The following ADGRB2 variants were observed in gnomAD, a reference collection of about 807,000 sequenced individuals.
The protein encoded by ADGRB2 is adhesion G protein-coupled receptor B2, also known as brain-specific angiogenesis inhibitor 2.
ADGRB2 carries 47 observed loss-of-function variants against 178.7 expected under a neutral mutation model. The observed-to-expected ratio is 0.26, with a 90% CI of 0.21 to 0.34. The LOEUF (loss-of-function observed/expected upper bound fraction) is 0.34, where lower values mean the gene tolerates loss of function less well. Among genes scored for constraint, ADGRB2 ranks in the 10% least tolerant of loss-of-function variants. The pLI, the probability that ADGRB2 is intolerant of heterozygous loss-of-function variation, is 1.00. For missense variants in ADGRB2, 1,584 were observed against 2,180.8 expected (o/e 0.73, Z 5.45); for synonymous variants, 870 against 912.4 (o/e 0.95, Z 0.84).
Position 31,735,938 on chromosome 1 carries a change from C to A in ADGRB2, c.3201-45G>T. 6.6e-7 allele frequency: 1 copy of A among 1,523,190 alleles called. No homozygotes were observed. Among genetic ancestry groups the A allele is most frequent in the Non-Finnish European group, 8.9e-7 (1 of 1,127,020 alleles). 94.4% of individuals were successfully genotyped at this position (1,523,190 alleles called of 1,614,324 possible). On this transcript the variant is annotated intron_variant, in intron 22 of 32. Transcript: ENST00000373658. This position sits in a 1 kb window ranked among gnomAD's most constrained non-coding sequence, Gnocchi z 6.0. ...GGGTGTCAGACACCCAGCAGCCTCC[C>A]TCCCCACCCTCAAACACCATCCCTC...
At chr1:31,763,560 C>T (rs1399709967) in intron 1 of ADGRB2, among the ~76,000 whole-genome samples, 2 of 146,700 alleles carry the variant, frequency 1.4e-5, no homozygotes, top group African/African-American at 5.1e-5. Flanking sequence ...TAGGGAAAGA[C>T]TCGAGACAGC....
Position 31,756,537 on chromosome 1 carries a change from C to T in ADGRB2, c.300G>A (p.Leu100=). ...CAHFAPRLLP[L]DHYLVNFTCL... Reference sequence around the variant, plus strand: ...AGGTAAAGTTGACCAGGTAGTGGTCCAGGGGCAGCAGGCGGGGGGCAAAGT... The same window carrying T: ...AGGTAAAGTTGACCAGGTAGTGGTCTAGGGGCAGCAGGCGGGGGGCAAAGT... The change falls in exon 4 of 33, where the codon CTG becomes CTA. Residue 100 remains leucine (L), a synonymous_variant. Transcript: ENST00000373658. The surrounding 1 kb of genome is among the most constrained non-coding windows in gnomAD (Gnocchi z 8.5). 6.2e-7 allele frequency: 1 copy of T among 1,613,264 alleles called. No homozygotes were observed. Among genetic ancestry groups the T allele is most frequent in the Non-Finnish European group, 8.5e-7 (1 of 1,179,648 alleles).
At position 31,735,188 on chromosome 1, in the gene ADGRB2, G is replaced by A. The variant is rs369743434; in HGVS notation, c.3447C>T (p.Asn1149=). 7.9e-5 allele frequency: 111 copies of A among 1,406,540 alleles called. No individual in the cohort carries two copies. In the African/African-American group the frequency reaches 9.7e-4, roughly 12 times the overall value. The allele number at this position is 1,406,540 out of a possible 1,614,324, so 87.1% of individuals were successfully genotyped here. ...CCCCAGGGGGCACGACTAACATGGCGTTCCTGGCCGAGGCTGAGCTGAGCA... is the reference window on the plus strand; with the variant it reads ...CCCCAGGGGGCACGACTAACATGGCATTCCTGGCCGAGGCTGAGCTGAGCA... ...SPLLSSASAR[N]AMASLWSSCV... The change falls in exon 25 of 33, where the codon AAC becomes AAT. Residue 1149 remains asparagine (N), a synonymous_variant. Transcript: ENST00000373658. The surrounding 1 kb of genome is among the most constrained non-coding windows in gnomAD (Gnocchi z 6.0).
chr1:31,750,778 G>A (rs577321811), intron 4 of ADGRB2, among the ~76,000 whole-genome samples: 1 of 152,166 alleles, frequency 6.6e-6, no homozygotes, highest in African/African-American at 2.4e-5. Flanking sequence ...AGGGCGCAGT[G>A]GGGGAAAGAG....
chr1:31,741,273 G>A lies in ADGRB2; in HGVS notation c.1794+100C>T. 1 of 1,271,656 alleles carries A rather than the reference G, an allele frequency of 7.9e-7. No individual in the cohort carries two copies. Among genetic ancestry groups the A allele is most frequent in the African/African-American group, 1.5e-5 (1 of 67,604 alleles). The allele number at this position is 1,271,656 out of a possible 1,614,324, so 78.8% of individuals were successfully genotyped here. On this transcript the variant is annotated intron_variant, in intron 11 of 32. Transcript: ENST00000373658. The surrounding 1 kb of genome is among the most constrained non-coding windows in gnomAD (Gnocchi z 6.5). ...CCAGGCAGAAGTGGGCACAGCATAT[G>A]CCAAGGCACGTGGGAACGAGCGAGA...
rs747018765 is a variant in ADGRB2, at chr1:31,731,144, C to A, written c.4036G>T (p.Gly1346Cys). The A allele has an allele frequency of 3.1e-6, 5 of 1,594,764 alleles. No homozygotes were observed. In the Admixed American group the frequency reaches 8.7e-5, roughly 28 times the overall value. Residue 1346 changes from glycine (G) to cysteine (C), a missense_variant, in exon 29 of 33, where the codon GGC (glycine) becomes TGC (cysteine). Coordinates refer to ENST00000373658, the MANE Select transcript of ADGRB2 (RefSeq NM_001364857.2). ...DLTWLRPTEP[G>C]SEGDYMVLPR... ...AGCACCATGTAGTCTCCCTCAGAGCCTGGCTCAGTGGGCCGCAGCCATGTG... is the reference window on the plus strand; with the variant it reads ...AGCACCATGTAGTCTCCCTCAGAGCATGGCTCAGTGGGCCGCAGCCATGTG...
rs1646159087 is a variant in ADGRB2 at position 31,744,344 on chromosome 1, A to G, written c.936T>C (p.Ala312=). Residue 312 remains alanine (A), a synonymous_variant, in exon 6 of 33, where the codon GCT becomes GCC. Coordinates refer to ENST00000373658, the MANE Select transcript of ADGRB2 (RefSeq NM_001364857.2). This position sits in a 1 kb window ranked among gnomAD's most constrained non-coding sequence, Gnocchi z 6.7. ...ACACGCTCCACGGGGACCACTCCTCAGCCGCCGGGTCGCCTACGAGAGAGG... is the reference window on the plus strand; with the variant it reads ...ACACGCTCCACGGGGACCACTCCTCGGCCGCCGGGTCGCCTACGAGAGAGG... ...LYMAQTGDPA[A]EEWSPWSVCS... The G allele has an allele frequency of 3.2e-6, 5 of 1,550,648 alleles. No homozygotes were observed. In the East Asian group the frequency reaches 1.2e-4, roughly 38 times the overall value.
rs1330592642 is a variant in ADGRB2 at position 31,730,951 on chromosome 1, G to A, written c.4229C>T (p.Pro1410Leu). ...GGGATTCTGGAGAGATCCATAGGCA[G>A]GGCCCAGCCCCAGGCCCGAGTGGTC... ...SVDHSGLGLG[P>L]AYGSLQNPYG... The change falls in exon 29 of 33, where the codon CCT becomes CTT. Residue 1410 changes from proline (P) to leucine (L), a missense_variant. Physicochemically the swap from Pro to Leu is moderately conservative, Grantham distance 98 (BLOSUM62 -3). Around this residue, in one of 3 missense-constraint regions of ADGRB2, gnomAD observed 865 missense variants for 1,192.8 expected, o/e 0.73. Coordinates refer to ENST00000373658, the MANE Select transcript of ADGRB2 (RefSeq NM_001364857.2). 1 of 1,570,536 alleles carries A rather than the reference G, an allele frequency of 6.4e-7. No homozygotes were observed. The highest frequency in any genetic ancestry group is 1.4e-5 in the African/African-American group (1 of 73,690).
rs1189287708 is a variant in ADGRB2 at position 31,742,975 on chromosome 1, G to T, written c.1115C>A (p.Ser372Tyr). 5.2e-6 allele frequency: 8 copies of T among 1,528,686 alleles called. No individual in the cohort carries two copies. The highest frequency in any genetic ancestry group is 7.0e-6 in the Non-Finnish European group (8 of 1,136,676). 94.7% of individuals were successfully genotyped at this position (1,528,686 alleles called of 1,614,324 possible). ...GCAGCTGCGGGAGCACAGGCTCCAGGACCCCCACTCCTCCCACACGCCGTG... is the reference window on the plus strand; with the variant it reads ...GCAGCTGCGGGAGCACAGGCTCCAGTACCCCCACTCCTCCCACACGCCGTG... ...PVHGVWEEWG[S>Y]WSLCSRSCGR... The change falls in exon 7 of 33, where the codon TCC (serine) becomes TAC (tyrosine). Residue 372 changes from serine (S) to tyrosine (Y), a missense_variant. Physicochemically the swap from Ser to Tyr is moderately radical, Grantham distance 144. Coordinates refer to ENST00000373658, the MANE Select transcript of ADGRB2 (RefSeq NM_001364857.2).
chr1:31,748,565 A>G (rs1646393846), intron 4 of ADGRB2, among the ~76,000 whole-genome samples: 2 of 152,268 alleles, frequency 1.3e-5, no homozygotes, highest in South Asian at 4.1e-4. Context: ...AAGCTGAGCC[A>G]GGCAGGGTCC....
In ADGRB2 at chr1:31,764,290, C is replaced by G. The variant is rs1278855838; in HGVS notation, c.-597G>C. ...GCGCCGCCGCCGCTGCCGCCGAACC[C>G]GGTTCCTCCGGCCGCTCCGGCCGCT... is the stretch of plus-strand genomic sequence containing the variant. On this transcript the variant is annotated 5_prime_UTR_variant, in exon 1 of 33. Transcript: ENST00000373658. The surrounding 1 kb of genome is among the most constrained non-coding windows in gnomAD (Gnocchi z 7.3). The G allele has an allele frequency of 6.3e-6, 1 of 157,890 alleles. No individual in the cohort carries two copies. The highest frequency in any genetic ancestry group is 2.5e-5 in the African/African-American group (1 of 40,722). 9.8% of individuals were successfully genotyped at this position (157,890 alleles called of 1,614,324 possible).
Position 31,728,236 on chromosome 1 carries a change from C to T in ADGRB2, c.4461G>A (p.Glu1487=), listed in dbSNP as rs1341588850. 2 of 1,614,058 alleles carry T rather than the reference C, an allele frequency of 1.2e-6. No homozygotes were observed. The highest frequency in any genetic ancestry group is 8.5e-7 in the Non-Finnish European group (1 of 1,180,024). The change falls in exon 31 of 33, where the codon GAG becomes GAA. Residue 1487 remains glutamate (E), a synonymous_variant. Coordinates refer to ENST00000373658, the MANE Select transcript of ADGRB2 (RefSeq NM_001364857.2). This position sits in a 1 kb window ranked among gnomAD's most constrained non-coding sequence, Gnocchi z 6.7. ...TRKRHSELYH[E]LNQKFHTFDR... is the part of the protein sequence containing the mutation. ...CGAAAGTGTGGAACTTCTGGTTGAG[C>T]TCGTGGTAGAGTTCTGAATGCCGTT...
rs1025590762 is a variant in ADGRB2 at position 31,740,117 on chromosome 1, G to A, written c.2051C>T (p.Ala684Val). ...GGCAGCTGTGCCCCGCACCTGCTGAGCATCGTCCCACTTCTCCTTGTTTTC... is the reference window on the plus strand; with the variant it reads ...GGCAGCTGTGCCCCGCACCTGCTGAACATCGTCCCACTTCTCCTTGTTTTC... ...DAENKEKWDD[A>V]QQVSPGSVHL... Residue 684 changes from alanine to valine, a missense_variant, in exon 13 of 33, where the codon GCT (alanine) becomes GTT (valine). Ala to Val is a moderately conservative substitution (Grantham distance 64). Transcript: ENST00000373658. The surrounding 1 kb of genome is among the most constrained non-coding windows in gnomAD (Gnocchi z 5.9). 12 of 1,614,020 alleles carry A rather than the reference G, an allele frequency of 7.4e-6. No homozygotes were observed. Among genetic ancestry groups the A allele is most frequent in the Admixed American group, 3.3e-5 (2 of 60,004 alleles).
In ADGRB2 at chr1:31,727,278, C is replaced by G; in HGVS notation, c.*142G>C. 9.3e-7 allele frequency: 1 copy of G among 1,079,480 alleles called. No individual in the cohort carries two copies. The allele number at this position is 1,079,480 out of a possible 1,614,324, so 66.9% of individuals were successfully genotyped here. A position where few individuals can be genotyped will look rare whatever the true frequency, so the allele number is the denominator to read the frequency against. On this transcript the variant is annotated 3_prime_UTR_variant, in exon 33 of 33. Coordinates refer to ENST00000373658, the MANE Select transcript of ADGRB2 (RefSeq NM_001364857.2). The surrounding 1 kb of genome is among the most constrained non-coding windows in gnomAD (Gnocchi z 4.4). ...CCAGGCCAAGCCATGTCCGGCTCCC[C>G]CAGCCTGGCTGAGTCCACGGCGCCT...
chr1:31,738,434 C>A, intron 17 of ADGRB2, 108 bp from the exon 18 acceptor site: 2 of 1,556,744 alleles, frequency 1.3e-6, no homozygotes, highest in Non-Finnish European at 1.7e-6. Context: ...GCCACATCCA[C>A]GAGGCAACAG....
chr1:31,731,193 C>G lies in ADGRB2; in HGVS notation c.3987G>C (p.Glu1329Asp), dbSNP rs1467490562. ...QEANPVYMCG[E>D]GGLRQLDLTW... ...TGAGGTCCAGCTGCCGCAGGCCACC[C>G]TCCCCACACATGTAAACAGGGTTGG... The change falls in exon 29 of 33, where the codon GAG (glutamate) becomes GAC (aspartate). Residue 1329 changes from glutamate (E) to aspartate (D), a missense_variant. Physicochemically the swap from Glu to Asp is conservative, Grantham distance 45. Coordinates refer to ENST00000373658, the MANE Select transcript of ADGRB2 (RefSeq NM_001364857.2). The G allele has an allele frequency of 1.9e-6, 3 of 1,599,910 alleles. No homozygotes were observed. Among genetic ancestry groups the G allele is most frequent in the Non-Finnish European group, 2.6e-6 (3 of 1,173,970 alleles).
chr1:31,732,860 G>A, intron 26 of ADGRB2, 112 bp downstream of exon 26: 1 of 1,393,980 alleles, frequency 7.2e-7, no homozygotes, highest in South Asian at 1.4e-5. Flanking sequence ...GCCCAGATGG[G>A]GCCTGGGGCA....
rs1646980163 is a variant in ADGRB2 at position 31,759,529 on chromosome 1, C to T, written c.-190-2018G>A. 1 of 629,658 alleles carries T rather than the reference C, an allele frequency of 1.6e-6. No homozygotes were observed. The highest frequency in any genetic ancestry group is 1.8e-5 in the African/African-American group (1 of 54,822). 39.0% of individuals were successfully genotyped at this position (629,658 alleles called of 1,614,324 possible). ...CAGGCTGGCTTCTCCAGAATGGAGT[C>T]ACTTTTAACCCAATCCAACCCCCCT... On this transcript the variant is annotated intron_variant, in intron 1 of 32. Coordinates refer to ENST00000373658, the MANE Select transcript of ADGRB2 (RefSeq NM_001364857.2). The surrounding 1 kb of genome is among the most constrained non-coding windows in gnomAD (Gnocchi z 4.3).
At position 31,730,859 on chromosome 1, in the gene ADGRB2, G is replaced by A. The variant is rs774388490; in HGVS notation, c.4321C>T (p.Arg1441Cys). 13 of 1,543,572 alleles carry A rather than the reference G, an allele frequency of 8.4e-6. No homozygotes were observed. The highest frequency in any genetic ancestry group is 1.4e-5 in the African/African-American group (1 of 72,462). ...SARQVPEPGE[R>C]SRTMPRTVPG... ...ACGGTGCGAGGCATGGTCCGGCTGCGCTCCCCTGGCTCGGGCACTTGGCGG... is the reference window on the plus strand; with the variant it reads ...ACGGTGCGAGGCATGGTCCGGCTGCACTCCCCTGGCTCGGGCACTTGGCGG... The change falls in exon 29 of 33, where the codon CGC (arginine) becomes TGC (cysteine). Residue 1441 changes from arginine (R) to cysteine (C), a missense_variant. Physicochemically the swap from Arg to Cys is radical, Grantham distance 180. This residue lies in a region of ADGRB2 where 865 missense variants were observed against 1,192.8 expected (regional missense o/e 0.73). Coordinates refer to ENST00000373658, the MANE Select transcript of ADGRB2 (RefSeq NM_001364857.2).
Sources: allele counts gnomAD v4.1 joint callset (sites outside exome capture counted in the v4.1 genomes callset), GRCh38; gene constraint gnomAD v4.1.1; regional missense constraint gnomAD v4.1.1; non-coding constraint Gnocchi (gnomAD v3.1); transcripts MANE v1.5; gene names NCBI Gene and HGNC (gene_info 2026-07-23, HGNC 2026-07-21).